The following PCM1 variants were observed in gnomAD, a reference collection of about 807,000 sequenced individuals.
PCM1 encodes pericentriolar material 1 protein.
In PCM1, 157 loss-of-function variants were observed where a neutral mutation model predicts 241.9. That is an observed-to-expected ratio of 0.65 (90% confidence interval 0.57 to 0.74). PCM1 has a LOEUF of 0.74. Ranked by LOEUF, PCM1 falls within the 30% of genes least tolerant of loss-of-function variation. PCM1 has a pLI of 0.00. For missense variants in PCM1, 3,478 were observed against 2,360.1 expected (o/e 1.47, Z -9.81); for synonymous variants, 1,085 against 784.9 (o/e 1.38, Z -6.39).
At chr8:17,947,128 G>C (rs2064130351) in intron 6 of PCM1, 58 bp from the exon 7 acceptor site, 6 of 1,115,264 alleles carry the variant, frequency 5.4e-6, no homozygotes, top group Non-Finnish European at 7.7e-6. Flanking sequence ...ATTGATAATT[G>C]AAACCGCAAC....
At chr8:17,959,586 A>G (rs1337134987) in intron 13 of PCM1, among the ~76,000 whole-genome samples, 1 of 26,760 alleles carries the variant, frequency 3.7e-5, no homozygotes, top group Admixed American at 2.2e-4. Flanking sequence ...TCTAGAGAGC[A>G]ATTTTCTATA....
At chr8:17,996,754 G>A (rs1358950772) in intron 29 of PCM1, among the ~76,000 whole-genome samples, 4 of 152,120 alleles carry the variant, frequency 2.6e-5, no homozygotes, top group African/African-American at 9.7e-5. Flanking sequence ...ATTTTAAACC[G>A]ATAACACTGA....
chr8:17,960,262 T>A, intron 14 of PCM1, 53 bp from the exon 15 acceptor site: 1 of 1,572,956 alleles, frequency 6.4e-7, no homozygotes, highest in Non-Finnish European at 8.6e-7. Flanking sequence ...TTGTGCCTAA[T>A]GCTTCATCAC....
At chr8:17,945,709 A>G (rs1365492457) in intron 6 of PCM1, among the ~76,000 whole-genome samples, 1 of 152,178 alleles carries the variant, frequency 6.6e-6, no homozygotes, top group Non-Finnish European at 1.5e-5. Flanking sequence ...GTCACCCAGA[A>G]GGGAGTTTCT....
At chr8:17,953,226 A>C in intron 9 of PCM1, 40 bp downstream of exon 9, 3 of 1,023,368 alleles carry the variant, frequency 2.9e-6, no homozygotes, top group Non-Finnish European at 4.4e-6. Context: ...TATAAGACAC[A>C]CAAGTATATA....
chr8:18,019,161 G>C (rs1316783296), intron 36 of PCM1, among the ~76,000 whole-genome samples: 1 of 151,910 alleles, frequency 6.6e-6, no homozygotes, highest in East Asian at 1.9e-4. Context: ...GTGCCACAGG[G>C]GTTCGCTGAA....
In PCM1 at chr8:18,027,548, T is replaced by C. The variant is rs1367355871; in HGVS notation, c.6050-89T>C. 4.7e-6 allele frequency: 4 copies of C among 859,824 alleles called. No homozygotes were observed. In the Admixed American group the frequency reaches 9.8e-5, roughly 21 times the overall value. 53.3% of individuals were successfully genotyped at this position (859,824 alleles called of 1,614,324 possible). A position where few individuals can be genotyped will look rare whatever the true frequency, so the allele number is the denominator to read the frequency against. ...GATTTCTTTTATAATAACGTTATAT[T>C]AAAAGTAAAAGCTTTAATGACAGAG... On this transcript the variant is annotated intron_variant, in intron 38 of 38. Transcript: ENST00000325083.
rs368877153 is a variant in PCM1, at chr8:17,950,941, C to G, written c.1071+217C>G. Among the ~76,000 whole-genome samples the G allele has an allele frequency of 3.3e-5, 5 of 152,292 alleles. 1 individual carries two copies. In the South Asian group the frequency reaches 1.0e-3, roughly 32 times the overall value. ...CAATGCTGGTGGCCTGGGGACTATA[C>G]TTTAAGAATCACTAAATTAGAGGAG... On this transcript the variant is annotated intron_variant, in intron 8 of 38. Transcript: ENST00000325083.
intron 6 of PCM1, among the ~76,000 whole-genome samples, chr8:17,940,897 G>A (rs967134112): frequency 2.0e-5 from 3 of 152,182 alleles, no homozygotes; most frequent in Non-Finnish European, 4.4e-5. Flanking sequence ...TTACAGGCTA[G>A]TAAAGCTTTT....
chr8:17,938,861 A>T lies in PCM1; in HGVS notation c.464A>T (p.Asp155Val), dbSNP rs746825778. 1 of 1,613,758 alleles carries T rather than the reference A, an allele frequency of 6.2e-7. No homozygotes were observed. The highest frequency in any genetic ancestry group is 8.5e-7 in the Non-Finnish European group (1 of 1,179,636). Residue 155 changes from aspartate (D) to valine (V), a missense_variant, in exon 5 of 39, where the codon GAT becomes GTT. Asp to Val is a radical substitution (Grantham distance 152). Transcript: ENST00000325083. ...PMQINTNKSK[D>V]ASTNPPNRET... ...CAGATTAATACTAACAAGAGCAAAG[A>T]TGCATCTACAAACCCCCCAAACAGA...
intron 29 of PCM1, among the ~76,000 whole-genome samples, chr8:17,998,393 CTG>C (rs1354731414): frequency 6.6e-6 from 1 of 152,156 alleles, no homozygotes; most frequent in Admixed American, 6.5e-5. Flanking sequence ...CCCAAAAACA[CTG>C]TGCTTTTTGC....
chr8:17,953,080 C>T lies in PCM1; in HGVS notation c.1182C>T (p.Val394=). Residue 394 remains valine, a synonymous_variant, in exon 9 of 39, where the codon GTC becomes GTT. Transcript: ENST00000325083. Reference sequence around the variant, plus strand: ...CAGAACGTTTACCTGATGAGAAAGTCGAACTTTTTAGCAAAATGAGAGTGC... The same window carrying T: ...CAGAACGTTTACCTGATGAGAAAGTTGAACTTTTTAGCAAAATGAGAGTGC... The part of the protein sequence containing the change: ...SASERLPDEK[V]ELFSKMRVLQ... 8 of 1,604,046 alleles carry T rather than the reference C, an allele frequency of 5.0e-6. No individual in the cohort carries two copies. The highest frequency in any genetic ancestry group is 6.8e-6 in the Non-Finnish European group (8 of 1,174,722).
rs2074182946 is a variant in PCM1 at position 17,964,835 on chromosome 8, C to T, written c.2855+67C>T. The T allele has an allele frequency of 4.2e-6, 5 of 1,194,782 alleles. No homozygotes were observed. The African/African-American group carries it at 6.0e-5, about 14-fold the overall frequency. 74.0% of individuals were successfully genotyped at this position (1,194,782 alleles called of 1,614,324 possible). A position where few individuals can be genotyped will look rare whatever the true frequency, so the allele number is the denominator to read the frequency against. ...TCAGGTCTTTTTGACTGACAGCAAG[C>T]ACTTCTGCAGTTCTCCAAGCCAACT... On this transcript the variant is annotated intron_variant, in intron 18 of 38. Transcript: ENST00000325083.
chr8:17,989,411 T>A (rs1381084264), intron 26 of PCM1, among the ~76,000 whole-genome samples: 2 of 152,028 alleles, frequency 1.3e-5, no homozygotes, highest in African/African-American at 4.8e-5. Context: ...GTGAGTGCAT[T>A]GTATATTAAT....
chr8:17,937,809 A>T (rs985434260), intron 4 of PCM1, among the ~76,000 whole-genome samples: 6 of 152,190 alleles, frequency 3.9e-5, no homozygotes, highest in African/African-American at 1.4e-4. Context: ...AGATCTAAAA[A>T]CAAGTAGAAA....
chr8:17,991,035 C>CATTT (rs2084434585), intron 27 of PCM1, among the ~76,000 whole-genome samples: 1 of 149,170 alleles, frequency 6.7e-6, no homozygotes, highest in African/African-American at 2.5e-5. Flanking sequence ...TATTTTCTTT[C>CATTT]ATTTACTGGT....
chr8:17,952,188 A>C (rs957678866), intron 8 of PCM1, among the ~76,000 whole-genome samples: 14 of 151,720 alleles, frequency 9.2e-5, no homozygotes, highest in Admixed American at 2.6e-4. Context: ...ACGCCACTGC[A>C]CTCTAGCCTG....
intron 26 of PCM1, among the ~76,000 whole-genome samples, chr8:17,986,809 C>T (rs1304749969): frequency 2.6e-5 from 4 of 151,696 alleles, no homozygotes; most frequent in Non-Finnish European, 5.9e-5. Flanking sequence ...TTTTTTATGA[C>T]AACTCTAGCA....
intron 16 of PCM1, 78 bp from the exon 17 acceptor site, chr8:17,963,023 A>G: frequency 2.1e-6 from 2 of 970,056 alleles, no homozygotes; most frequent in Non-Finnish European, 3.1e-6. Flanking sequence ...TGATACTGAC[A>G]ATACTAGTAG....
Sources: gnomAD v4.1 joint callset for allele counts (sites outside exome capture counted in the v4.1 genomes callset) on GRCh38, gnomAD v4.1.1 for gene constraint, MANE v1.5 for transcripts, NCBI Gene and HGNC (gene_info 2026-07-23, HGNC 2026-07-21) for gene names.